USP25: variants seen among roughly 807,000 people sequenced by gnomAD.
USP25 encodes the protein ubiquitin specific peptidase 25, also known as ubiquitin carboxyl-terminal hydrolase 25.
Under a neutral mutation model 158.5 loss-of-function variants are expected in USP25, and 85 were observed. That is an observed-to-expected ratio of 0.54 (90% CI 0.45 to 0.64). The LOEUF (loss-of-function observed/expected upper bound fraction) is 0.64. USP25 is among the 30% of genes least tolerant of loss of function. The pLI, the probability that USP25 is intolerant of heterozygous loss-of-function variation, is 0.00. For missense variants in USP25, 1,242 were observed against 1,327.3 expected, an observed-to-expected ratio of 0.94 and a Z score of 1.00; for synonymous variants, 464 against 460.4, an observed-to-expected ratio of 1.01 and a Z score of -0.10.
At chr21:15,803,607 AT>A (rs1209051959) in intron 6 of USP25, among the ~76,000 whole-genome samples, 1 of 151,870 alleles carries the variant, frequency 6.6e-6, no homozygotes, top group Non-Finnish European at 1.5e-5. Flanking sequence ...CTTTTCAAAT[AT>A]GCTTCTCAGC....
Position 15,849,795 on chromosome 21 carries a change from A to G in USP25, c.2470A>G (p.Met824Val), listed in dbSNP as rs1395110630. The G allele has an allele frequency of 2.6e-6, 4 of 1,539,300 alleles. No individual in the cohort carries two copies. In the African/African-American group the frequency reaches 4.1e-5, roughly 16 times the overall value. Reference sequence around the variant, plus strand: ...GTGGCAGATCATGATGACACCGAACATGCAAGGTATTATCATGGCGATAGG... The same window carrying G: ...GTGGCAGATCATGATGACACCGAACGTGCAAGGTATTATCATGGCGATAGG... Reference protein sequence around the residue: ...YDDEIMMTPNMQGIIMAIGKS... With the variant: ...YDDEIMMTPNVQGIIMAIGKS... The change falls in exon 20 of 26, where the codon ATG (methionine) becomes GTG (valine). Residue 824 changes from methionine to valine, a missense_variant. Around this residue, in one of 3 missense-constraint regions of USP25, gnomAD observed 608 missense variants for 605.2 expected, o/e 1.00. Coordinates refer to ENST00000400183, the MANE Select transcript of USP25 (RefSeq NM_001283041.3).
At chr21:15,853,170 T>C (rs1363404988) in intron 20 of USP25, among the ~76,000 whole-genome samples, 1 of 152,206 alleles carries the variant, frequency 6.6e-6, no homozygotes, top group Non-Finnish European at 1.5e-5. Flanking sequence ...TTTTTTAATG[T>C]AGATTTTACT....
At chr21:15,860,971 T>TAGAGAGAGAGAG (rs371751056) in intron 20 of USP25, among the ~76,000 whole-genome samples, 1 of 143,566 alleles carries the variant, frequency 7.0e-6, no homozygotes, top group African/African-American at 2.6e-5. Context: ...TATATATATA[T>TAGAGAGAGAGAG]ATATAGAGAG....
intron 20 of USP25, among the ~76,000 whole-genome samples, chr21:15,855,275 T>C (rs1361871856): frequency 6.6e-6 from 1 of 152,228 alleles, no homozygotes; most frequent in Non-Finnish European, 1.5e-5. Context: ...TTCATAATAA[T>C]GGTGTCCCTA....
At chr21:15,764,325 T>G (rs1041798694) in intron 2 of USP25, among the ~76,000 whole-genome samples, 4 of 151,990 alleles carry the variant, frequency 2.6e-5, no homozygotes, top group Admixed American at 2.6e-4. Flanking sequence ...GCTTTTTTTT[T>G]TTTTTTTAAA....
intron 4 of USP25, among the ~76,000 whole-genome samples, chr21:15,782,503 C>T (rs757436537): frequency 2.0e-4 from 30 of 152,200 alleles, no homozygotes; most frequent in Admixed American, 2.0e-4. Context: ...GAGAGACAGT[C>T]GTACAACCTT....
At chr21:15,811,926 T>G (rs1049153626) in intron 9 of USP25, among the ~76,000 whole-genome samples, 4 of 152,084 alleles carry the variant, frequency 2.6e-5, no homozygotes, top group African/African-American at 9.7e-5. Flanking sequence ...AGTGTAAAAT[T>G]TGAAAAAATG....
chr21:15,822,072 G>A (rs576764274), intron 10 of USP25, among the ~76,000 whole-genome samples: 3 of 151,796 alleles, frequency 2.0e-5, no homozygotes, highest in African/African-American at 7.2e-5. Context: ...TGTCTCACAA[G>A]CATGGCATAC....
intron 4 of USP25, among the ~76,000 whole-genome samples, chr21:15,790,678 A>T (rs1442228844): frequency 1.3e-5 from 2 of 148,346 alleles, no homozygotes; most frequent in Non-Finnish European, 3.0e-5. Flanking sequence ...GGCTGAAGCC[A>T]AGTAGCAAGT....
chr21:15,832,523 TATTA>T (rs1275843036), intron 16 of USP25, among the ~76,000 whole-genome samples: 2 of 152,232 alleles, frequency 1.3e-5, no homozygotes, highest in South Asian at 2.1e-4. Context: ...GATCTTGCTA[TATTA>T]ATTTTCATAA....
At chr21:15,831,368 T>G (rs200061392) in intron 15 of USP25, 33 bp from the exon 16 acceptor site, 2 of 1,571,996 alleles carry the variant, frequency 1.3e-6, no homozygotes, top group South Asian at 1.1e-5. Flanking sequence ...AACTACATAA[T>G]TGCAGTTTAA....
chr21:15,867,072 A>G (rs1445048870), intron 22 of USP25, among the ~76,000 whole-genome samples: 1 of 152,162 alleles, frequency 6.6e-6, no homozygotes, highest in Admixed American at 6.5e-5. Context: ...GCACTTACAT[A>G]GGTACTTGTA....
chr21:15,758,255 G>A (rs1254832498), intron 1 of USP25, among the ~76,000 whole-genome samples: 2 of 152,116 alleles, frequency 1.3e-5, no homozygotes, highest in Non-Finnish European at 2.9e-5. Flanking sequence ...CTGTTCTCAC[G>A]CTGCTATAAG....
At chr21:15,763,552 A>G (rs966708121) in intron 2 of USP25, among the ~76,000 whole-genome samples, 2 of 152,144 alleles carry the variant, frequency 1.3e-5, no homozygotes, top group African/African-American at 4.8e-5. Flanking sequence ...TATCATATGG[A>G]TACTCACATT....
chr21:15,857,090 C>G (rs2039186467), intron 20 of USP25, among the ~76,000 whole-genome samples: 1 of 152,194 alleles, frequency 6.6e-6, no homozygotes, highest in Admixed American at 6.5e-5. Flanking sequence ...TAAATCCTAA[C>G]ATTATCATTT....
At chr21:15,785,019 C>T (rs993970075) in intron 4 of USP25, among the ~76,000 whole-genome samples, 6 of 149,512 alleles carry the variant, frequency 4.0e-5, no homozygotes, top group African/African-American at 1.5e-4. Flanking sequence ...AGACACACCT[C>T]ATCATTAAAT....
intron 1 of USP25, among the ~76,000 whole-genome samples, chr21:15,733,719 G>A (rs573181433): frequency 1.2e-4 from 18 of 152,296 alleles, no homozygotes; most frequent in African/African-American, 4.3e-4. Context: ...GCACATGCCT[G>A]TAATCCCAGC....
chr21:15,735,504 A>G (rs1015157448), intron 1 of USP25, among the ~76,000 whole-genome samples: 14 of 152,212 alleles, frequency 9.2e-5, no homozygotes, highest in African/African-American at 3.4e-4. Flanking sequence ...AGGGACTTTG[A>G]CATTCGCAGA....
chr21:15,829,826 A>G (rs772014740), intron 14 of USP25, among the ~76,000 whole-genome samples: 2 of 151,994 alleles, frequency 1.3e-5, no homozygotes, highest in Admixed American at 1.3e-4. Context: ...ATCTTTTCCT[A>G]TAAGGTTACT....
Sources: allele counts gnomAD v4.1 joint callset (sites outside exome capture counted in the v4.1 genomes callset), GRCh38; gene constraint gnomAD v4.1.1; regional missense constraint gnomAD v4.1.1; transcripts MANE v1.5; gene names NCBI Gene and HGNC (gene_info 2026-07-23, HGNC 2026-07-21).